WDPCP: variants seen among roughly 807,000 people sequenced by gnomAD.
WDPCP encodes the protein WD repeat-containing and planar cell polarity effector protein fritz homolog.
In WDPCP, 71 loss-of-function variants were observed where a neutral mutation model predicts 93.1. That is an observed-to-expected ratio of 0.76 (90% confidence interval 0.63 to 0.93). The LOEUF (loss-of-function observed/expected upper bound fraction) is 0.93. Among genes scored for constraint, WDPCP ranks in the 40% least tolerant of loss-of-function variants. The probability of loss-of-function intolerance (pLI) is 0.00; values close to 1 mark genes in which losing one functional copy is unlikely to be tolerated. For synonymous variants in WDPCP, 315 were observed against 315.0 expected, an observed-to-expected ratio of 1.00 and a Z score of 0.00; for missense variants, 844 against 887.4, an observed-to-expected ratio of 0.95 and a Z score of 0.62.
chr2:63,647,227 T>A (rs1710062014), intron 3 of WDPCP, among the ~76,000 whole-genome samples: 1 of 152,198 alleles, frequency 6.6e-6, no homozygotes, highest in African/African-American at 2.4e-5. Flanking sequence ...AACCTCTGCC[T>A]TCTGGGTTCA....
chr2:63,809,337 G>A (rs2104078898), intron 2 of WDPCP, among the ~76,000 whole-genome samples: 1 of 148,496 alleles, frequency 6.7e-6, no homozygotes, highest in South Asian at 2.2e-4. Flanking sequence ...GGAGGTGAGG[G>A]GCGCCTCTGC....
intron 2 of WDPCP, among the ~76,000 whole-genome samples, chr2:63,694,641 A>C (rs6546024): frequency 0.6 from 90,549 of 151,810 alleles, 28,025 homozygotes; most frequent in African/African-American, 0.72. Flanking sequence ...CTGATAAAGC[A>C]TAGTTGTACC....
chr2:63,192,293 A>G (rs941230172), intron 14 of WDPCP, among the ~76,000 whole-genome samples: 33 of 152,194 alleles, frequency 2.2e-4, no homozygotes, highest in Non-Finnish European at 3.4e-4. Context: ...TTTGTTCAAC[A>G]AAAGTGCTAA....
chr2:63,796,960 G>A (rs1670626375), intron 2 of WDPCP, among the ~76,000 whole-genome samples: 1 of 152,158 alleles, frequency 6.6e-6, no homozygotes. Flanking sequence ...TTGAGAAAGG[G>A]AAAGGGAAGA....
At chr2:63,507,122 A>G (rs1262789862) in intron 1 of WDPCP, among the ~76,000 whole-genome samples, 2 of 152,120 alleles carry the variant, frequency 1.3e-5, no homozygotes, top group African/African-American at 4.8e-5. Context: ...GAACTGAAGT[A>G]CATGATTTTC....
chr2:63,304,633 C>T (rs1338909231), intron 13 of WDPCP, among the ~76,000 whole-genome samples: 1 of 152,170 alleles, frequency 6.6e-6, no homozygotes, highest in Non-Finnish European at 1.5e-5. Flanking sequence ...GGTGCCTACA[C>T]CACCAGGGCC....
chr2:63,779,248 G>A (rs913960625), intron 2 of WDPCP, among the ~76,000 whole-genome samples: 1 of 152,158 alleles, frequency 6.6e-6, no homozygotes, highest in Non-Finnish European at 1.5e-5. Context: ...AGACCTAGCA[G>A]GAACTGTGAA....
intron 17 of WDPCP, among the ~76,000 whole-genome samples, chr2:63,125,214 C>T (rs933787970): frequency 1.3e-5 from 2 of 152,180 alleles, no homozygotes; most frequent in Non-Finnish European, 2.9e-5. Context: ...CAAAGGTTGG[C>T]TTGAGGCTTC....
At chr2:63,229,025 T>C (rs1678581303) in intron 14 of WDPCP, 1 of 152,186 alleles carries the variant, frequency 6.6e-6, no homozygotes, top group African/African-American at 2.4e-5. Context: ...TCCACAATGG[T>C]TGAACTAGTT....
intron 14 of WDPCP, among the ~76,000 whole-genome samples, chr2:63,236,406 A>G (rs952395857): frequency 5.9e-5 from 9 of 152,222 alleles, no homozygotes; most frequent in African/African-American, 2.2e-4. Context: ...TACCACCCAA[A>G]GCAATCCACA....
In WDPCP at chr2:63,230,622, C is replaced by T. The variant is rs895521955; in HGVS notation, c.1915+28685G>A. On this transcript the variant is annotated intron_variant, in intron 14 of 17. Coordinates refer to ENST00000272321, the MANE Select transcript of WDPCP (RefSeq NM_015910.7). ...TATTGTTTCCTGACTTTTTAGTGAC[C>T]GCCATTCTAACTGGTGTGAGATGGT... Among the ~76,000 whole-genome samples, 15 of 152,164 alleles carry T rather than the reference C, an allele frequency of 9.9e-5. 1 individual carries two copies. The highest frequency in any genetic ancestry group is 2.0e-4 in the Admixed American group (3 of 15,272).
intron 1 of WDPCP, among the ~76,000 whole-genome samples, chr2:63,504,885 A>G (rs1701771781): frequency 6.6e-6 from 1 of 152,084 alleles, no homozygotes; most frequent in Non-Finnish European, 1.5e-5. Context: ...GCCCTAAAGA[A>G]TCTTCCCACT....
chr2:63,798,891 A>G (rs1453144327), intron 2 of WDPCP, among the ~76,000 whole-genome samples: 1 of 152,180 alleles, frequency 6.6e-6, no homozygotes, highest in East Asian at 1.9e-4. Context: ...AATATATTCC[A>G]TGCCAATTAA....
intron 6 of WDPCP, among the ~76,000 whole-genome samples, chr2:63,476,753 A>C (rs768843116): frequency 2.6e-5 from 4 of 152,190 alleles, no homozygotes; most frequent in Non-Finnish European, 5.9e-5. Context: ...TGGTATGTCT[A>C]TTATTATTTT....
At chr2:63,663,305 C>T (rs1363465156) in intron 2 of WDPCP, among the ~76,000 whole-genome samples, 6 of 152,176 alleles carry the variant, frequency 3.9e-5, no homozygotes, top group African/African-American at 1.2e-4. Flanking sequence ...AACTGGAGAA[C>T]AAAGAGGCCA....
chr2:63,661,449 T>C (rs1208840810), intron 2 of WDPCP, among the ~76,000 whole-genome samples: 1 of 152,200 alleles, frequency 6.6e-6, no homozygotes, highest in East Asian at 1.9e-4. Flanking sequence ...ACCACATCTA[T>C]TTTTCATGAC....
At chr2:63,166,717 T>C (rs1021197162) in intron 15 of WDPCP, among the ~76,000 whole-genome samples, 1 of 152,142 alleles carries the variant, frequency 6.6e-6, no homozygotes, top group Non-Finnish European at 1.5e-5. Context: ...TTGATATAGG[T>C]AAACAATGTG....
chr2:63,340,600 T>A (rs974799333), intron 12 of WDPCP, among the ~76,000 whole-genome samples: 1 of 152,216 alleles, frequency 6.6e-6, no homozygotes, highest in Admixed American at 6.5e-5. Context: ...TTTTCCAGTA[T>A]AGAAACTGTG....
intron 12 of WDPCP, among the ~76,000 whole-genome samples, chr2:63,335,095 GC>G (rs1688256358): frequency 6.6e-6 from 1 of 152,136 alleles, no homozygotes; most frequent in Non-Finnish European, 1.5e-5. Flanking sequence ...TGAGCTAGAT[GC>G]GTAAGTGACT....
Sources: allele counts gnomAD v4.1 joint callset (sites outside exome capture counted in the v4.1 genomes callset), GRCh38; gene constraint gnomAD v4.1.1; transcripts MANE v1.5; gene names NCBI Gene and HGNC (gene_info 2026-07-23, HGNC 2026-07-21).